Variants in ADAMTS2 observed in about 807,000 individuals in gnomAD.
ADAMTS2 encodes A disintegrin and metalloproteinase with thrombospondin motifs 2.
Under a neutral mutation model 123.0 loss-of-function variants are expected in ADAMTS2, and 50 were observed. The ratio of observed to expected loss-of-function variants is 0.41; its 90% CI spans 0.32 to 0.51. The LOEUF (loss-of-function observed/expected upper bound fraction) is 0.51. Ranked by LOEUF, ADAMTS2 falls within the 20% of genes least tolerant of loss-of-function variation. ADAMTS2 has a pLI of 0.35. For missense variants in ADAMTS2, 1,494 were observed against 1,705.2 expected (o/e 0.88, Z 2.18); for synonymous variants, 678 against 695.4 (o/e 0.98, Z 0.39).
chr5:179,243,739 T>C (rs992518127), intron 3 of ADAMTS2, among the ~76,000 whole-genome samples: 1 of 152,080 alleles, frequency 6.6e-6, no homozygotes, highest in African/African-American at 2.4e-5. Context: ...GCAGCAAAGA[T>C]TTCAAAGCAG....
At chr5:179,131,259 G>A (rs1469659375) in intron 15 of ADAMTS2, among the ~76,000 whole-genome samples, 2 of 136,098 alleles carry the variant, frequency 1.5e-5, no homozygotes, top group Non-Finnish European at 3.0e-5. Flanking sequence ...GTTGCAGTGA[G>A]CCAAGATCAG....
At chr5:179,326,322 C>G (rs553238718) in intron 2 of ADAMTS2, among the ~76,000 whole-genome samples, 3 of 151,866 alleles carry the variant, frequency 2.0e-5, no homozygotes, top group Admixed American at 6.6e-5. Flanking sequence ...GAGGGGCTCT[C>G]GGTGATGTCA....
intron 3 of ADAMTS2, among the ~76,000 whole-genome samples, chr5:179,212,878 T>C (rs7704451): frequency 0.42 from 63,669 of 151,962 alleles, 14,172 homozygotes; most frequent in Non-Finnish European, 0.51. Context: ...TGTGCGAAGC[T>C]CAGTCCTATG....
chr5:179,116,122 C>T (rs1425710746), intron 21 of ADAMTS2, among the ~76,000 whole-genome samples: 3 of 152,166 alleles, frequency 2.0e-5, no homozygotes, highest in African/African-American at 7.2e-5. Context: ...TTGTTCCTCC[C>T]CGTCTCCCAC....
At position 179,175,179 on chromosome 5, in the gene ADAMTS2, T is replaced by G. The variant is rs550211039; in HGVS notation, c.975+5893A>C. Among the ~76,000 whole-genome samples, 2 of 151,676 alleles carry G rather than the reference T, an allele frequency of 1.3e-5. No individual in the cohort carries two copies. Among genetic ancestry groups the G allele is most frequent in the South Asian group, 4.2e-4 (2 of 4,760 alleles). Reference sequence around the variant, plus strand: ...TTGGGTTCCGCAGCTGTCTCAGCCATTCTTGACCGTCCATGTTGCTTTGGA... The same window carrying G: ...TTGGGTTCCGCAGCTGTCTCAGCCAGTCTTGACCGTCCATGTTGCTTTGGA... On this transcript the variant is annotated intron_variant, in intron 5 of 21. Coordinates refer to ENST00000251582, the MANE Select transcript of ADAMTS2 (RefSeq NM_014244.5). The surrounding 1 kb of genome is among the most constrained non-coding windows in gnomAD (Gnocchi z 4.1).
chr5:179,137,829 C>A lies in ADAMTS2; in HGVS notation c.1891G>T (p.Asp631Tyr). Residue 631 changes from aspartate to tyrosine, a missense_variant, in exon 12 of 22, where the codon GAC (aspartate) becomes TAC (tyrosine). Around this residue, in one of 6 missense-constraint regions of ADAMTS2, gnomAD observed 953 missense variants for 1,124.7 expected, o/e 0.85. Coordinates refer to ENST00000251582, the MANE Select transcript of ADAMTS2 (RefSeq NM_014244.5). ...DFREEQCRQWDLYFEHGDAQH... is the reference protein window; with the variant it reads ...DFREEQCRQWYLYFEHGDAQH... The stretch of plus-strand genomic sequence containing the variant: ...GCGTCGCCGTGCTCGAAGTACAGGT[C>A]CCACTGGCGGCACTGCTCCTCGCGG... The A allele has an allele frequency of 6.3e-7, 1 of 1,576,764 alleles. No homozygotes were observed. The highest frequency in any genetic ancestry group is 8.6e-7 in the Non-Finnish European group (1 of 1,162,794).
chr5:179,301,906 C>T lies in ADAMTS2; in HGVS notation c.535-28842G>A, dbSNP rs412398. Among the ~76,000 whole-genome samples the T allele has an allele frequency of 6.3e-3, 957 of 152,308 alleles. 5 individuals are homozygous for T. The highest frequency in any genetic ancestry group is 8.2e-3 in the Non-Finnish European group (560 of 68,026). ...TGCCCCGCTCACAGCGTGCTGTGCC[C>T]GGGAGAGGAGCGAGGGCAGGCCCCC... On this transcript the variant is annotated intron_variant, in intron 2 of 21. Transcript: ENST00000251582.
chr5:179,121,884 G>A (rs928073949), intron 20 of ADAMTS2, 134 bp from the exon 21 acceptor site: 2 of 573,052 alleles, frequency 3.5e-6, no homozygotes, highest in African/African-American at 3.9e-5. Flanking sequence ...GCGGACAAAG[G>A]GTCCTCCGCT....
intron 3 of ADAMTS2, among the ~76,000 whole-genome samples, chr5:179,212,173 G>A (rs1382907159): frequency 6.6e-6 from 1 of 152,246 alleles, no homozygotes; most frequent in Non-Finnish European, 1.5e-5. Flanking sequence ...TCGTGGGATG[G>A]TGCGGGCTCT....
chr5:179,275,708 C>A (rs1255112357), intron 2 of ADAMTS2, among the ~76,000 whole-genome samples: 1 of 152,212 alleles, frequency 6.6e-6, no homozygotes, highest in Non-Finnish European at 1.5e-5. Context: ...AAGTGTCCTC[C>A]CCCAGAGTCT....
intron 3 of ADAMTS2, among the ~76,000 whole-genome samples, chr5:179,208,730 G>A (rs58123454): frequency 0.1 from 15,254 of 151,922 alleles, 926 homozygotes; most frequent in South Asian, 0.19. Context: ...ACTGCCCACC[G>A]CCCCCCAAGC....
rs1763804682 is a variant in ADAMTS2, at chr5:179,170,994, T to C, written c.975+10078A>G. Among the ~76,000 whole-genome samples, 1 of 152,156 alleles carries C rather than the reference T, an allele frequency of 6.6e-6. No homozygotes were observed. The highest frequency in any genetic ancestry group is 6.5e-5 in the Admixed American group (1 of 15,278). Reference sequence around the variant, plus strand: ...GGACACAAACTGTTCCAGTCCACAGTGAGATAAGTACAGAAACTAGAAACT... The same window carrying C: ...GGACACAAACTGTTCCAGTCCACAGCGAGATAAGTACAGAAACTAGAAACT... On this transcript the variant is annotated intron_variant, in intron 5 of 21. Transcript: ENST00000251582. This position sits in a 1 kb window ranked among gnomAD's most constrained non-coding sequence, Gnocchi z 4.3.
chr5:179,201,977 G>A (rs1764577885), intron 4 of ADAMTS2, among the ~76,000 whole-genome samples: 1 of 152,188 alleles, frequency 6.6e-6, no homozygotes, highest in Non-Finnish European at 1.5e-5. Flanking sequence ...TCTGTGCCCA[G>A]GTGGCCTCAT....
chr5:179,274,017 C>G (rs1044081795), intron 2 of ADAMTS2, among the ~76,000 whole-genome samples: 1 of 151,672 alleles, frequency 6.6e-6, no homozygotes, highest in Non-Finnish European at 1.5e-5. Flanking sequence ...CACCCCATCC[C>G]CAGCTCGGCC....
chr5:179,218,859 CAG>C (rs1334811456), intron 3 of ADAMTS2, among the ~76,000 whole-genome samples: 1 of 152,192 alleles, frequency 6.6e-6, no homozygotes, highest in East Asian at 1.9e-4. Context: ...GGCCAGTCCT[CAG>C]AACATACCCC....
chr5:179,285,971 T>A lies in ADAMTS2; in HGVS notation c.535-12907A>T, dbSNP rs1756007983. ...GCTCACGCCTATAATCCTAGCACTT[T>A]GGGAGGCCGAGGCAGGCGGATCACC... On this transcript the variant is annotated intron_variant, in intron 2 of 21. Coordinates refer to ENST00000251582, the MANE Select transcript of ADAMTS2 (RefSeq NM_014244.5). The surrounding 1 kb of genome is among the most constrained non-coding windows in gnomAD (Gnocchi z 4.9). Among the ~76,000 whole-genome samples, 1 of 151,954 alleles carries A rather than the reference T, an allele frequency of 6.6e-6. No individual in the cohort carries two copies. The highest frequency in any genetic ancestry group is 1.5e-5 in the Non-Finnish European group (1 of 67,968).
At chr5:179,326,442 G>C (rs1300709293) in intron 2 of ADAMTS2, among the ~76,000 whole-genome samples, 2 of 151,942 alleles carry the variant, frequency 1.3e-5, no homozygotes, top group Admixed American at 6.6e-5. Context: ...GGTGATGCCT[G>C]GGGCAGGGAG....
At chr5:179,190,419 T>C (rs1041873759) in intron 4 of ADAMTS2, among the ~76,000 whole-genome samples, 6 of 151,968 alleles carry the variant, frequency 3.9e-5, no homozygotes, top group African/African-American at 1.5e-4. Flanking sequence ...TTGGTATGAA[T>C]TGAGAAACTA....
At position 179,154,138 on chromosome 5, in the gene ADAMTS2, C is replaced by A; in HGVS notation, c.1293G>T (p.Leu431=). Residue 431 remains leucine, a synonymous_variant, in exon 8 of 22, where the codon CTG becomes CTT. Coordinates refer to ENST00000251582, the MANE Select transcript of ADAMTS2 (RefSeq NM_014244.5). The part of the protein sequence containing the change: ...QGNRCGDEVR[L]GSIMAPLVQA... ...GCACCAGGGGCGCCATGATGCTGCC[C>A]AGCCGCACCTCGTCGCCACAGCGGT... 6.3e-7 allele frequency: 1 copy of A among 1,588,566 alleles called. No individual in the cohort carries two copies.
Sources: gnomAD v4.1 joint callset for allele counts (sites outside exome capture counted in the v4.1 genomes callset) on GRCh38, gnomAD v4.1.1 for gene constraint, gnomAD v4.1.1 regional missense constraint, Gnocchi (gnomAD v3.1) non-coding constraint, MANE v1.5 for transcripts, NCBI Gene and HGNC (gene_info 2026-07-23, HGNC 2026-07-21) for gene names.